MRTFB: variants seen among roughly 807,000 people sequenced by gnomAD.
The protein encoded by MRTFB is myocardin related transcription factor B, also known as myocardin-related transcription factor B.
Under a neutral mutation model 104.2 loss-of-function variants are expected in MRTFB, and 29 were observed. The ratio of observed to expected loss-of-function variants is 0.28; its 90% CI spans 0.21 to 0.38. The LOEUF (loss-of-function observed/expected upper bound fraction) is 0.38. MRTFB is among the 10% of genes least tolerant of loss of function. MRTFB has a pLI of 1.00. For missense variants in MRTFB, 1,270 were observed against 1,341.6 expected (o/e 0.95, Z 0.83); for synonymous variants, 535 against 519.5 (o/e 1.03, Z -0.41).
chr16:14,148,631 CCTGCCCTCACCGA>C (rs1398069197), intron 3 of MRTFB: 2 of 152,662 alleles, frequency 1.3e-5, no homozygotes, highest in Non-Finnish European at 2.9e-5. Flanking sequence ...CGTTGGCTCT[CCTGCCCTCACCGA>C]CTGCCCTCAC....
chr16:14,026,803 T>G, the MRTFB span, among the ~76,000 whole-genome samples: 1 of 152,288 alleles, frequency 6.6e-6, no homozygotes, highest in South Asian at 2.1e-4. Flanking sequence ...GGAAAGATGT[T>G]CAACATCTTT....
At chr16:14,117,094 C>G (rs2036579595) in intron 2 of MRTFB, among the ~76,000 whole-genome samples, 1 of 152,246 alleles carries the variant, frequency 6.6e-6, no homozygotes, top group African/African-American at 2.4e-5. Flanking sequence ...GGATCACACT[C>G]TGTTCTTCTC....
At chr16:14,227,675 C>A (rs1030818688) in intron 8 of MRTFB, among the ~76,000 whole-genome samples, 2 of 152,080 alleles carry the variant, frequency 1.3e-5, no homozygotes, top group African/African-American at 4.8e-5. Context: ...CCACGCCCAG[C>A]TAATTTTTGT....
chr16:14,071,848 G>A (rs568577637), intron 1 of MRTFB, among the ~76,000 whole-genome samples: 2 of 152,292 alleles, frequency 1.3e-5, no homozygotes, highest in East Asian at 3.9e-4. Flanking sequence ...TTTCTCCTGG[G>A]GTCCCGACCA....
At chr16:14,019,756 C>T in the MRTFB span, among the ~76,000 whole-genome samples, 26 of 152,206 alleles carry the variant, frequency 1.7e-4, no homozygotes, top group African/African-American at 5.1e-4. Flanking sequence ...GAAGTGACTG[C>T]GAACAGCGTT....
At chr16:14,138,461 T>G (rs1283015834) in intron 2 of MRTFB, among the ~76,000 whole-genome samples, 1 of 152,224 alleles carries the variant, frequency 6.6e-6, no homozygotes, top group African/African-American at 2.4e-5. Context: ...GATATTTCCA[T>G]TGGATATGTA....
intron 3 of MRTFB, chr16:14,200,504 G>A (rs749838417): frequency 7.5e-6 from 12 of 1,610,484 alleles, no homozygotes; most frequent in Admixed American, 1.7e-5. Context: ...TGCAATCATC[G>A]TCTGTCTTCT....
At chr16:14,257,776 A>G (rs1423640487) in intron 15 of MRTFB, among the ~76,000 whole-genome samples, 5 of 152,228 alleles carry the variant, frequency 3.3e-5, no homozygotes, top group African/African-American at 4.8e-5. Flanking sequence ...TCACCTTTGT[A>G]CAAATTTTTA....
At chr16:14,131,604 T>C (rs780733742) in intron 2 of MRTFB, among the ~76,000 whole-genome samples, 2 of 152,076 alleles carry the variant, frequency 1.3e-5, no homozygotes, top group Non-Finnish European at 2.9e-5. Context: ...AAAACTGTTC[T>C]AACTCAACAA....
chr16:14,203,804 G>GAAAAAAAAAAAAAAAAAAAAAAA (rs908323645), intron 3 of MRTFB, among the ~76,000 whole-genome samples: 1 of 46,574 alleles, frequency 2.1e-5, no homozygotes. Context: ...ACTCTGTCTC[G>GAAAAAAAAAAAAAAAAAAAAAAA]AAAAAAAAAA....
At chr16:14,058,712 G>GTTTTTTTTTTTTT in the MRTFB span, among the ~76,000 whole-genome samples, 2 of 86,846 alleles carry the variant, frequency 2.3e-5, no homozygotes, top group Non-Finnish European at 4.4e-5. Flanking sequence ...ATTTGTATTT[G>GTTTTTTTTTTTTT]TTTTTTTTTT....
At chr16:14,024,351 T>C in the MRTFB span, among the ~76,000 whole-genome samples, 1 of 152,222 alleles carries the variant, frequency 6.6e-6, no homozygotes, top group Admixed American at 6.5e-5. Context: ...AATGTCTCCT[T>C]TGGACACTGT....
intron 3 of MRTFB, among the ~76,000 whole-genome samples, chr16:14,174,693 G>GA (rs1188628641): frequency 1.3e-5 from 2 of 151,722 alleles, no homozygotes; most frequent in South Asian, 2.1e-4. Flanking sequence ...CCACCCCCCA[G>GA]AAAAAAATGT....
intron 1 of MRTFB, among the ~76,000 whole-genome samples, 199 bp downstream of exon 1, chr16:14,071,564 G>T (rs2033694466): frequency 6.6e-6 from 1 of 151,818 alleles, no homozygotes; most frequent in Admixed American, 6.6e-5. Context: ...CGGGGCCGCG[G>T]GCCGGTGCCT....
chr16:14,045,593 G>C, the MRTFB span, among the ~76,000 whole-genome samples: 1 of 152,230 alleles, frequency 6.6e-6, no homozygotes, highest in African/African-American at 2.4e-5. Flanking sequence ...AATGGGGAAA[G>C]ACCAAAAGAA....
chr16:14,222,173 C>G (rs2041755558), intron 8 of MRTFB, among the ~76,000 whole-genome samples: 1 of 152,172 alleles, frequency 6.6e-6, no homozygotes, highest in Non-Finnish European at 1.5e-5. Flanking sequence ...TGGTCACAGG[C>G]AGGTAACAGA....
intron 2 of MRTFB, among the ~76,000 whole-genome samples, chr16:14,135,771 T>G (rs2037682575): frequency 6.6e-6 from 1 of 152,190 alleles, no homozygotes; most frequent in African/African-American, 2.4e-5. Context: ...CCTTTACAGT[T>G]GTGCTTTACT....
chr16:14,077,350 G>C (rs943158807), intron 1 of MRTFB, among the ~76,000 whole-genome samples: 1 of 152,124 alleles, frequency 6.6e-6, no homozygotes, highest in Non-Finnish European at 1.5e-5. Context: ...ATTTGTTTCA[G>C]TTTTCATCTC....
chr16:14,166,389 T>A (rs2039243990), intron 3 of MRTFB, among the ~76,000 whole-genome samples: 1 of 152,190 alleles, frequency 6.6e-6, no homozygotes, highest in South Asian at 2.1e-4. Context: ...TAACAGTCCA[T>A]CAAAATTATT....
Sources: gnomAD v4.1 joint callset for allele counts (sites outside exome capture counted in the v4.1 genomes callset) on GRCh38, gnomAD v4.1.1 for gene constraint, MANE v1.5 for transcripts, NCBI Gene and HGNC (gene_info 2026-07-23, HGNC 2026-07-21) for gene names.